The following KNL1 variants were observed in gnomAD, a reference collection of about 807,000 sequenced individuals.
KNL1 encodes kinetochore scaffold 1, also known as outer kinetochore KNL1 complex subunit KNL1.
A neutral mutation model predicts 201.3 loss-of-function variants in KNL1; 66 were observed. That is an observed-to-expected ratio of 0.33 (90% CI 0.27 to 0.40). The LOEUF (loss-of-function observed/expected upper bound fraction) is 0.40, where lower values mean the gene tolerates loss of function less well. Among genes scored for constraint, KNL1 ranks in the 10% least tolerant of loss-of-function variants. The pLI, the probability that KNL1 is intolerant of heterozygous loss-of-function variation, is 1.00. For synonymous variants in KNL1, 895 were observed against 899.2 expected (o/e 1.00, Z 0.08); for missense variants, 2,815 against 2,690.5 (o/e 1.05, Z -1.02).
rs1179612939 is a variant in KNL1, at chr15:40,615,367, G to A, written c.311G>A (p.Cys104Tyr). The change falls in exon 8 of 26, where the codon TGT becomes TAT. Residue 104 changes from cysteine (C) to tyrosine (Y), a missense_variant. Around this residue, in one of 3 missense-constraint regions of KNL1, gnomAD observed 2,464 missense variants for 2,291.7 expected, o/e 1.08. Transcript: ENST00000399668. Reference sequence around the variant, plus strand: ...AATAAGAAATTAGAAGATAATTACTGTGAAATTACTGGTGAGTATGACTAG... The same window carrying A: ...AATAAGAAATTAGAAGATAATTACTATGAAATTACTGGTGAGTATGACTAG... ...IQNKKLEDNYCEITGMNTLLS... is the reference protein window; with the variant it reads ...IQNKKLEDNYYEITGMNTLLS... The A allele has an allele frequency of 2.8e-6, 2 of 708,714 alleles. No individual in the cohort carries two copies. Among genetic ancestry groups the A allele is most frequent in the Non-Finnish European group, 4.6e-6 (2 of 433,024 alleles). 43.9% of individuals were successfully genotyped at this position (708,714 alleles called of 1,614,324 possible).
intron 25 of KNL1, among the ~76,000 whole-genome samples, chr15:40,660,835 G>A (rs1893887456): frequency 6.6e-6 from 1 of 151,654 alleles, no homozygotes; most frequent in Admixed American, 6.6e-5. Flanking sequence ...TGGGTGTGGT[G>A]GTGAGTAGTC....
rs1176563624 is a variant in KNL1 at position 40,620,777 on chromosome 15, T to A, written c.513T>A (p.Ser171Arg). 7 of 1,613,596 alleles carry A rather than the reference T, an allele frequency of 4.3e-6. No individual in the cohort carries two copies. The highest frequency in any genetic ancestry group is 2.2e-5 in the East Asian group (1 of 44,850). The change falls in exon 10 of 26, where the codon AGT (serine) becomes AGA (arginine). Residue 171 changes from serine to arginine, a missense_variant. Around this residue, in one of 3 missense-constraint regions of KNL1, gnomAD observed 2,464 missense variants for 2,291.7 expected, o/e 1.08. Coordinates refer to ENST00000399668, the MANE Select transcript of KNL1 (RefSeq NM_144508.5). ...ITKGLLDNPI[S>R]EKSTKIDTTS... ...AAGGCCTTTTAGATAATCCCATAAG[T>A]GAAAAGTCCACCAAGATAGATACCA...
chr15:40,650,125 GA>G lies in KNL1; in HGVS notation c.6095-161del, dbSNP rs77867576. ...TGACTACCTTACTTTCTCTTTCACA[GA>G]AAAAAAAAAAAAAATAGAAACCATC... On this transcript the variant is annotated intron_variant, in intron 17 of 25. Transcript: ENST00000399668. 85,470 of 376,746 alleles carry G rather than the reference GA, an allele frequency of 0.23. 1,055 individuals carry two copies. Among genetic ancestry groups the G allele is most frequent in the East Asian group, 0.25 (5,322 of 21,002 alleles). 23.3% of individuals were successfully genotyped at this position (376,746 alleles called of 1,614,324 possible).
intron 13 of KNL1, among the ~76,000 whole-genome samples, chr15:40,633,873 A>G (rs896190559): frequency 2.0e-5 from 3 of 152,114 alleles, no homozygotes; most frequent in African/African-American, 7.2e-5. Context: ...CAACTTATAA[A>G]TAAAACAAGT....
Position 40,624,643 on chromosome 15 carries a change from T to C in KNL1, c.4379T>C (p.Ile1460Thr), listed in dbSNP as rs187007187. Residue 1460 changes from isoleucine (I) to threonine (T), a missense_variant, in exon 10 of 26, where the codon ATC becomes ACC. This residue lies in a region of KNL1 where 2,464 missense variants were observed against 2,291.7 expected (regional missense o/e 1.08). Coordinates refer to ENST00000399668, the MANE Select transcript of KNL1 (RefSeq NM_144508.5). ...PPLPKKGQSS[I>T]NKEEVILSKA... ...TTACCTAAAAAAGGACAGAGTAGTA[T>C]CAATAAAGAAGAAGTAATACTGTCT... is the stretch of plus-strand genomic sequence containing the variant. The C allele has an allele frequency of 3.0e-4, 481 of 1,613,886 alleles. 3 individuals carry two copies. In the African/African-American group the frequency reaches 6.0e-3, roughly 20 times the overall value.
Position 40,624,107 on chromosome 15 carries a change from T to C in KNL1, c.3843T>C (p.Asp1281=). 6.2e-7 allele frequency: 1 copy of C among 1,613,940 alleles called. No individual in the cohort carries two copies. The highest frequency in any genetic ancestry group is 8.5e-7 in the Non-Finnish European group (1 of 1,179,894). ...QVESCQLNNR[D]RRNVDFTSSH... The stretch of plus-strand genomic sequence containing the variant: ...AAAGCTGTCAGTTAAATAATAGAGA[T>C]AGAAGAAATGTGGACTTTACAAGTA... Residue 1281 remains aspartate, a synonymous_variant, in exon 10 of 26, where the codon GAT becomes GAC. Transcript: ENST00000399668.
intron 14 of KNL1, 33 bp downstream of exon 14, chr15:40,641,060 T>C: frequency 1.4e-6 from 2 of 1,382,410 alleles, no homozygotes; most frequent in Non-Finnish European, 2.0e-6. Flanking sequence ...GTGTGTTTTT[T>C]TGAGGGGAGG....
In KNL1 at chr15:40,657,057, C is replaced by T. The variant is rs760371318; in HGVS notation, c.6500C>T (p.Pro2167Leu). Residue 2167 changes from proline (P) to leucine (L), a missense_variant, in exon 23 of 26, where the codon CCT (proline) becomes CTT (leucine). Physicochemically the swap from Pro to Leu is moderately conservative, Grantham distance 98 (BLOSUM62 -3). Around this residue, in one of 3 missense-constraint regions of KNL1, gnomAD observed 334 missense variants for 362.6 expected, o/e 0.92. Transcript: ENST00000399668. ...CCTTCCCCAGAGGATCAAGCTCCTC[C>T]TTCCTCCCTTTTAGTTCATAAGCTT... ...QSLLDEDQAP[P>L]SSLLVHKLIF... 5.1e-6 allele frequency: 8 copies of T among 1,575,214 alleles called. No individual in the cohort carries two copies. In the East Asian group the frequency reaches 1.8e-4, roughly 36 times the overall value.
At position 40,606,379 on chromosome 15, in the gene KNL1, A is replaced by G. The variant is rs1166077959; in HGVS notation, c.76-14A>G. 3 of 1,508,080 alleles carry G rather than the reference A, an allele frequency of 2.0e-6. No homozygotes were observed. The highest frequency in any genetic ancestry group is 2.8e-6 in the Non-Finnish European group (3 of 1,085,482). The allele number at this position is 1,508,080 out of a possible 1,614,324, so 93.4% of individuals were successfully genotyped here. A position where few individuals can be genotyped will look rare whatever the true frequency, so the allele number is the denominator to read the frequency against. On this transcript the variant is annotated splice_polypyrimidine_tract_variant and intron_variant, in intron 3 of 25. Coordinates refer to ENST00000399668, the MANE Select transcript of KNL1 (RefSeq NM_144508.5). Reference sequence around the variant, plus strand: ...TGCCAGATTTTTTTTGAATAATTCTAATTGTTACCCTAGATATTGAAACCC... The same window carrying G: ...TGCCAGATTTTTTTTGAATAATTCTGATTGTTACCCTAGATATTGAAACCC...
intron 7 of KNL1, among the ~76,000 whole-genome samples, chr15:40,612,227 A>C (rs1285771777): frequency 1.3e-5 from 2 of 152,124 alleles, no homozygotes; most frequent in Non-Finnish European, 2.9e-5. Context: ...GAGGTAGGAG[A>C]ATCACTTGAA....
Position 40,625,228 on chromosome 15 carries a change from C to G in KNL1, c.4964C>G (p.Pro1655Arg). The change falls in exon 10 of 26, where the codon CCT becomes CGT. Residue 1655 changes from proline (P) to arginine (R), a missense_variant. By Grantham distance (103) the Pro-to-Arg change is moderately radical. Coordinates refer to ENST00000399668, the MANE Select transcript of KNL1 (RefSeq NM_144508.5). Reference protein sequence around the residue: ...VRRCSLGIFLPRLPNKRNCSV... With the variant: ...VRRCSLGIFLRRLPNKRNCSV... ...AGATGTTCTTTGGGAATCTTTTTGCCTAGATTGCCCAACAAGAGAAATTGT... is the reference window on the plus strand; with the variant it reads ...AGATGTTCTTTGGGAATCTTTTTGCGTAGATTGCCCAACAAGAGAAATTGT... 1 of 1,613,816 alleles carries G rather than the reference C, an allele frequency of 6.2e-7. No homozygotes were observed. The highest frequency in any genetic ancestry group is 8.5e-7 in the Non-Finnish European group (1 of 1,179,896).
intron 13 of KNL1, among the ~76,000 whole-genome samples, chr15:40,634,993 T>C (rs1026027166): frequency 6.6e-6 from 1 of 150,770 alleles, no homozygotes; most frequent in South Asian, 2.1e-4. Flanking sequence ...GCCAAAGAGA[T>C]GGATTATATG....
At chr15:40,631,035 T>C (rs1422877311) in intron 13 of KNL1, among the ~76,000 whole-genome samples, 2 of 152,088 alleles carry the variant, frequency 1.3e-5, no homozygotes, top group African/African-American at 2.4e-5. Context: ...GGAGGATGGC[T>C]TGAGCCCAGG....
intron 25 of KNL1, among the ~76,000 whole-genome samples, chr15:40,660,790 G>A (rs909879933): frequency 9.4e-5 from 14 of 148,642 alleles, no homozygotes; most frequent in Non-Finnish European, 2.1e-4. Context: ...CCAACATGGC[G>A]AATCCCCACC....
intron 13 of KNL1, among the ~76,000 whole-genome samples, chr15:40,633,384 A>G (rs1892970500): frequency 6.6e-6 from 1 of 152,028 alleles, no homozygotes; most frequent in Non-Finnish European, 1.5e-5. Flanking sequence ...ATGTAGCACA[A>G]CACATTACTC....
intron 5 of KNL1, 125 bp downstream of exon 5, chr15:40,609,033 A>C: frequency 1.6e-6 from 1 of 625,770 alleles, no homozygotes; most frequent in Non-Finnish European, 2.8e-6. Flanking sequence ...TCAAAGGGTT[A>C]TTCAGTATTA....
At position 40,622,117 on chromosome 15, in the gene KNL1, G is replaced by A; in HGVS notation, c.1853G>A (p.Ser618Asn). The change falls in exon 10 of 26, where the codon AGT becomes AAT. Residue 618 changes from serine (S) to asparagine (N), a missense_variant. Ser to Asn is a conservative substitution (Grantham distance 46, BLOSUM62 1). This residue lies in a region of KNL1 where 2,464 missense variants were observed against 2,291.7 expected (regional missense o/e 1.08). Coordinates refer to ENST00000399668, the MANE Select transcript of KNL1 (RefSeq NM_144508.5). ...GATGAATGTGAAGAAATTACCAAAA[G>A]TCGTAATGAACCATTTCAGCGATCA... ...SSDECEEITK[S>N]RNEPFQRSDI... The A allele has an allele frequency of 1.2e-6, 2 of 1,614,048 alleles. No homozygotes were observed. Among genetic ancestry groups the A allele is most frequent in the Non-Finnish European group, 1.7e-6 (2 of 1,179,968 alleles).
At chr15:40,601,695 C>T (rs930514096) in intron 1 of KNL1, among the ~76,000 whole-genome samples, 2 of 151,186 alleles carry the variant, frequency 1.3e-5, no homozygotes, top group African/African-American at 4.8e-5. Flanking sequence ...GTCGTGGGCG[C>T]CTGTAGTCCC....
intron 23 of KNL1, 55 bp downstream of exon 23, chr15:40,657,206 G>A: frequency 4.1e-6 from 5 of 1,205,308 alleles, no homozygotes; most frequent in Non-Finnish European, 6.0e-6. Flanking sequence ...TCCAAAAAAA[G>A]CAGAACTGAA....
Sources: allele counts gnomAD v4.1 joint callset (sites outside exome capture counted in the v4.1 genomes callset), GRCh38; gene constraint gnomAD v4.1.1; regional missense constraint gnomAD v4.1.1; transcripts MANE v1.5; gene names NCBI Gene and HGNC (gene_info 2026-07-23, HGNC 2026-07-21).